The following CIAO1 variants were observed in gnomAD, a reference collection of about 807,000 sequenced individuals.
CIAO1 encodes the protein cytosolic iron-sulfur assembly component 1.
Under a neutral mutation model 43.1 loss-of-function variants are expected in CIAO1, and 32 were observed. The observed-to-expected ratio is 0.74, with a 90% CI of 0.56 to 1.00. CIAO1 has a LOEUF of 1.00. Ranked by LOEUF, CIAO1 falls within the 50% of genes least tolerant of loss-of-function variation. The probability of loss-of-function intolerance (pLI) is 0.00; values close to 1 mark genes in which losing one functional copy is unlikely to be tolerated. For missense variants in CIAO1, 415 were observed against 437.4 expected (o/e 0.95, Z 0.46); for synonymous variants, 183 against 171.4 (o/e 1.07, Z -0.53).
chr2:96,269,474 C>G, intron 6 of CIAO1, 119 bp downstream of exon 6: 1 of 902,940 alleles, frequency 1.1e-6, no homozygotes. Flanking sequence ...GGCAGCCACC[C>G]CCATTCCTTA....
chr2:96,267,713 A>T lies in CIAO1; in HGVS notation c.377A>T (p.Asp126Val), dbSNP rs1405603808. 6.2e-7 allele frequency: 1 copy of T among 1,614,162 alleles called. No homozygotes were observed. Among genetic ancestry groups the T allele is most frequent in the African/African-American group, 1.3e-5 (1 of 75,034 alleles). ...SGNLLATCSR[D>V]KSVWVWEVDE... ...AACCTCCTGGCCACTTGCAGCCGAG[A>T]TAAGAGCGTTTGGGTCTGGGAAGGT... Residue 126 changes from aspartate to valine, a missense_variant, in exon 3 of 7, where the codon GAT (aspartate) becomes GTT (valine). By Grantham distance (152) the Asp-to-Val change is radical. Coordinates refer to ENST00000488633, the MANE Select transcript of CIAO1 (RefSeq NM_004804.3).
intron 2 of CIAO1, 32 bp from the exon 3 acceptor site, chr2:96,267,593 T>G: frequency 6.2e-7 from 1 of 1,611,162 alleles, no homozygotes; most frequent in Non-Finnish European, 8.5e-7. Context: ...TGTTAGCTGC[T>G]GTTAATTCTC....
chr2:96,267,392 CCCTGCGGTAATTACCTGG>C lies in CIAO1; in HGVS notation c.215_232del (p.Cys72_Ala77del). 3.1e-6 allele frequency: 5 copies of C among 1,614,196 alleles called. No homozygotes were observed. Among genetic ancestry groups the C allele is most frequent in the Non-Finnish European group, 4.2e-6 (5 of 1,180,032 alleles). ...CACCGTGCGGAAGGTAGCCTGGTCC[CCCTGCGGTAATTACCTGG>C]CCTCTGCCAGCTTTGATGCTACCAC... On this transcript the variant is annotated inframe_deletion, in exon 2 of 7. Transcript: ENST00000488633.
chr2:96,267,995 T>C (rs1003332443), intron 4 of CIAO1, 71 bp downstream of exon 4: 23 of 1,269,650 alleles, frequency 1.8e-5, no homozygotes, highest in Middle Eastern at 1.9e-4. Context: ...TTCCTCTGCT[T>C]TTCAGCCTTA....
At position 96,272,293 on chromosome 2, in the gene CIAO1, C is replaced by T. The variant is rs892581696; in HGVS notation, c.*942C>T. 6.6e-6 allele frequency: 1 copy of T among 152,212 alleles called. No individual in the cohort carries two copies. Among genetic ancestry groups the T allele is most frequent in the African/African-American group, 2.4e-5 (1 of 41,452 alleles). The allele number at this position is 152,212 out of a possible 1,614,324, so 9.4% of individuals were successfully genotyped here. Reference sequence around the variant, plus strand: ...ATGGCCTCCAAAACTACAGCCTTCCCTGAAGTTTAAGCTGTGACCTTAGAT... The same window carrying T: ...ATGGCCTCCAAAACTACAGCCTTCCTTGAAGTTTAAGCTGTGACCTTAGAT... On this transcript the variant is annotated 3_prime_UTR_variant, in exon 7 of 7. Coordinates refer to ENST00000488633, the MANE Select transcript of CIAO1 (RefSeq NM_004804.3).
At chr2:96,270,365 C>T (rs190499874) in intron 6 of CIAO1, among the ~76,000 whole-genome samples, 4 of 152,032 alleles carry the variant, frequency 2.6e-5, no homozygotes, top group Non-Finnish European at 5.9e-5. Context: ...ATTAGCTGGG[C>T]GTGTTGGCAC....
At chr2:96,269,101 G>A (rs1040489463) in intron 5 of CIAO1, 167 bp from the exon 6 acceptor site, 3 of 636,302 alleles carry the variant, frequency 4.7e-6, no homozygotes, top group Non-Finnish European at 5.7e-6. Context: ...CTTGAGAAAC[G>A]CCAGTCTGGC....
At chr2:96,271,003 T>C in intron 6 of CIAO1, 108 bp from the exon 7 acceptor site, 9 of 1,401,268 alleles carry the variant, frequency 6.4e-6, no homozygotes, top group Non-Finnish European at 7.8e-6. Context: ...TAATAAGAGG[T>C]TTTTAGCTGA....
intron 4 of CIAO1, 55 bp downstream of exon 4, chr2:96,267,979 C>G: frequency 2.1e-6 from 3 of 1,408,416 alleles, no homozygotes; most frequent in South Asian, 1.2e-5. Flanking sequence ...AGGCTTGTGC[C>G]CAGCCTTCCT....
In CIAO1 at chr2:96,271,494, G is replaced by A. The variant is rs913073103; in HGVS notation, c.*143G>A. On this transcript the variant is annotated 3_prime_UTR_variant, in exon 7 of 7. Coordinates refer to ENST00000488633, the MANE Select transcript of CIAO1 (RefSeq NM_004804.3). ...CTTCAGACTTGGGTAGAAGTGCAGA[G>A]CCACAGAATTGCTTTCCTTCCCCGC... 107 of 996,890 alleles carry A rather than the reference G, an allele frequency of 1.1e-4. 1 individual carries two copies. The highest frequency in any genetic ancestry group is 1.4e-4 in the Non-Finnish European group (95 of 694,870). The allele number at this position is 996,890 out of a possible 1,614,324, so 61.8% of individuals were successfully genotyped here.
chr2:96,273,903 T>C lies in CIAO1; in HGVS notation c.*2552T>C, dbSNP rs1684604457. On this transcript the variant is annotated 3_prime_UTR_variant, in exon 7 of 7. Coordinates refer to ENST00000488633, the MANE Select transcript of CIAO1 (RefSeq NM_004804.3). ...TCTCCTTGGATTGTTTTGGAAGTTA[T>C]TCTTCATAAAAAATGTTAACGTGGG... Among the ~76,000 whole-genome samples the C allele has an allele frequency of 6.6e-6, 1 of 151,674 alleles. No homozygotes were observed. Among genetic ancestry groups the C allele is most frequent in the South Asian group, 2.1e-4 (1 of 4,808 alleles).
intron 6 of CIAO1, among the ~76,000 whole-genome samples, chr2:96,270,747 T>C (rs933142465): frequency 2.2e-4 from 33 of 148,990 alleles, no homozygotes; most frequent in African/African-American, 8.0e-4. Context: ...GAGGGGGAGG[T>C]TGCAGTCAGC....
In CIAO1 at chr2:96,266,476, C is replaced by T; in HGVS notation, c.126C>T (p.Ile42=). ...ASCGGDRRIR[I]WGTEGDSWIC... is the part of the protein sequence containing the mutation. ...GCGGCGGCGACCGGAGAATCCGCAT[C>T]TGGGGCACGGAGGGTAAGGCCCAGC... The change falls in exon 1 of 7, where the codon ATC becomes ATT. Residue 42 remains isoleucine, a synonymous_variant. Coordinates refer to ENST00000488633, the MANE Select transcript of CIAO1 (RefSeq NM_004804.3). 6.5e-7 allele frequency: 1 copy of T among 1,544,422 alleles called. No individual in the cohort carries two copies. Among genetic ancestry groups the T allele is most frequent in the Middle Eastern group, 1.8e-4 (1 of 5,686 alleles).
Position 96,267,315 on chromosome 2 carries a change from C to T in CIAO1, c.140-6C>T, listed in dbSNP as rs1428834150. On this transcript the variant is annotated splice_region_variant and splice_polypyrimidine_tract_variant and intron_variant, in intron 1 of 6. Coordinates refer to ENST00000488633, the MANE Select transcript of CIAO1 (RefSeq NM_004804.3). Reference sequence around the variant, plus strand: ...CTCCAGAGCCTGGCCTGCGCTCCGCCTTTAGGTGACAGCTGGATCTGCAAG... The same window carrying T: ...CTCCAGAGCCTGGCCTGCGCTCCGCTTTTAGGTGACAGCTGGATCTGCAAG... 6.2e-7 allele frequency: 1 copy of T among 1,611,148 alleles called. No homozygotes were observed. The highest frequency in any genetic ancestry group is 1.7e-5 in the Admixed American group (1 of 59,884).
intron 6 of CIAO1, among the ~76,000 whole-genome samples, chr2:96,270,249 G>C (rs997485206): frequency 6.6e-6 from 1 of 152,100 alleles, no homozygotes. Context: ...GCTCACGCCT[G>C]TAATCCCAAC....
chr2:96,268,699 A>G (rs760596766), intron 5 of CIAO1, 41 bp downstream of exon 5: 9 of 1,599,274 alleles, frequency 5.6e-6, no homozygotes, highest in Non-Finnish European at 7.7e-6. Flanking sequence ...CCATCTCTCA[A>G]GGGGTTCACA....
Position 96,271,382 on chromosome 2 carries a change from C to T in CIAO1, c.*31C>T, listed in dbSNP as rs778888504. ...CTCGACTTTGGACAGAGTAATGACT[C>T]CCCAGAAAACGTCATATAAGACTTT... On this transcript the variant is annotated 3_prime_UTR_variant, in exon 7 of 7. Coordinates refer to ENST00000488633, the MANE Select transcript of CIAO1 (RefSeq NM_004804.3). The T allele has an allele frequency of 1.9e-6, 3 of 1,603,626 alleles. No homozygotes were observed. The highest frequency in any genetic ancestry group is 1.7e-5 in the Admixed American group (1 of 59,572).
At position 96,271,313 on chromosome 2, in the gene CIAO1, G is replaced by T; in HGVS notation, c.982G>T (p.Val328Leu). The part of the protein sequence containing the change: ...LLASCSDDGE[V>L]AFWKYQRPEG... ...GGCCTCCTGCAGTGATGATGGGGAGGTGGCCTTCTGGAAGTATCAGCGGCC... is the reference window on the plus strand; with the variant it reads ...GGCCTCCTGCAGTGATGATGGGGAGTTGGCCTTCTGGAAGTATCAGCGGCC... The change falls in exon 7 of 7, where the codon GTG becomes TTG. Residue 328 changes from valine (V) to leucine (L), a missense_variant. Coordinates refer to ENST00000488633, the MANE Select transcript of CIAO1 (RefSeq NM_004804.3). 1 of 1,614,170 alleles carries T rather than the reference G, an allele frequency of 6.2e-7. No homozygotes were observed. The highest frequency in any genetic ancestry group is 8.5e-7 in the Non-Finnish European group (1 of 1,180,044).
chr2:96,271,511 C>A lies in CIAO1; in HGVS notation c.*160C>A. The A allele has an allele frequency of 1.3e-6, 1 of 799,096 alleles. No homozygotes were observed. Among genetic ancestry groups the A allele is most frequent in the Non-Finnish European group, 1.9e-6 (1 of 518,866 alleles). 49.5% of individuals were successfully genotyped at this position (799,096 alleles called of 1,614,324 possible). A position where few individuals can be genotyped will look rare whatever the true frequency, so the allele number is the denominator to read the frequency against. On this transcript the variant is annotated 3_prime_UTR_variant, in exon 7 of 7. Coordinates refer to ENST00000488633, the MANE Select transcript of CIAO1 (RefSeq NM_004804.3). The stretch of plus-strand genomic sequence containing the variant: ...AGTGCAGAGCCACAGAATTGCTTTC[C>A]TTCCCCGCCTTTGACATGAGGCCTT...
Sources: gnomAD v4.1 joint callset for allele counts (sites outside exome capture counted in the v4.1 genomes callset) on GRCh38, gnomAD v4.1.1 for gene constraint, MANE v1.5 for transcripts, NCBI Gene and HGNC (gene_info 2026-07-23, HGNC 2026-07-21) for gene names.